SFXN1: variants seen among roughly 807,000 people sequenced by gnomAD.
SFXN1 encodes sideroflexin 1.
A neutral mutation model predicts 39.5 loss-of-function variants in SFXN1; 32 were observed. The ratio of observed to expected loss-of-function variants is 0.81; its 90% CI spans 0.61 to 1.09. The LOEUF (loss-of-function observed/expected upper bound fraction) is 1.09. SFXN1 is among the 50% of genes least tolerant of loss of function. The probability of loss-of-function intolerance (pLI) is 0.00; values close to 1 mark genes in which losing one functional copy is unlikely to be tolerated. For synonymous variants in SFXN1, 136 were observed against 146.5 expected (o/e 0.93, Z 0.52); for missense variants, 402 against 407.1 (o/e 0.99, Z 0.11).
intron 1 of SFXN1, 32 bp from the exon 2 acceptor site, chr5:175,492,063 T>C (rs1247141232): frequency 6.3e-7 from 1 of 1,575,122 alleles, no homozygotes; most frequent in Admixed American, 1.9e-5. Flanking sequence ...ATTGTAAGCC[T>C]TACACGAACT....
At chr5:175,504,364 C>G (rs1424140148) in intron 2 of SFXN1, among the ~76,000 whole-genome samples, 1 of 152,058 alleles carries the variant, frequency 6.6e-6, no homozygotes, top group Non-Finnish European at 1.5e-5. Context: ...CACCTGAGGT[C>G]AGGAGTTCAA....
At chr5:175,520,736 C>T (rs905615087) in intron 8 of SFXN1, among the ~76,000 whole-genome samples, 1 of 152,188 alleles carries the variant, frequency 6.6e-6, no homozygotes, top group Non-Finnish European at 1.5e-5. Flanking sequence ...TTTACCCTCC[C>T]ATCACCAAAT....
At chr5:175,509,372 C>T in intron 3 of SFXN1, 170 bp downstream of exon 3, 3 of 557,442 alleles carry the variant, frequency 5.4e-6, no homozygotes, top group Non-Finnish European at 5.8e-6. Flanking sequence ...TGAATCAAAA[C>T]ATCATGTTGA....
intron 1 of SFXN1, among the ~76,000 whole-genome samples, chr5:175,490,495 A>G (rs1420983401): frequency 6.6e-6 from 1 of 152,230 alleles, no homozygotes; most frequent in African/African-American, 2.4e-5. Context: ...AATGCCCAGC[A>G]TTCACATCCG....
At chr5:175,487,641 C>T (rs1441819044) in intron 1 of SFXN1, among the ~76,000 whole-genome samples, 2 of 152,154 alleles carry the variant, frequency 1.3e-5, no homozygotes, top group Non-Finnish European at 1.5e-5. Context: ...CTGGTGATCT[C>T]ATCACATCGC....
chr5:175,522,140 C>T (rs1760901788), intron 9 of SFXN1, among the ~76,000 whole-genome samples, 172 bp downstream of exon 9: 1 of 152,096 alleles, frequency 6.6e-6, no homozygotes, highest in Non-Finnish European at 1.5e-5. Context: ...TTAGAGAAAC[C>T]TACAACATGG....
At chr5:175,509,282 TG>T in intron 3 of SFXN1, 80 bp downstream of exon 3, 1 of 1,402,352 alleles carries the variant, frequency 7.1e-7, no homozygotes, top group Non-Finnish European at 9.6e-7. Flanking sequence ...ATAATTTTGT[TG>T]AAATAAGTAT....
At chr5:175,497,799 G>A (rs1048589707) in intron 2 of SFXN1, among the ~76,000 whole-genome samples, 3 of 151,972 alleles carry the variant, frequency 2.0e-5, no homozygotes, top group African/African-American at 7.2e-5. Context: ...GTGAGGTGGC[G>A]GGCACCTGTA....
At chr5:175,484,463 G>A (rs35934388) in intron 1 of SFXN1, among the ~76,000 whole-genome samples, 13,097 of 152,244 alleles carry the variant, frequency 0.086, 1,027 homozygotes, top group African/African-American at 0.21. Context: ...TGCCCTCAGC[G>A]CATCTCTGCC....
chr5:175,504,458 G>A (rs1029827644), intron 2 of SFXN1, among the ~76,000 whole-genome samples: 7 of 150,856 alleles, frequency 4.6e-5, no homozygotes, highest in Admixed American at 3.3e-4. Context: ...ACCTGTAGTC[G>A]CAGGTACTCC....
At position 175,509,032 on chromosome 5, in the gene SFXN1, G is replaced by A. The variant is rs1238803872; in HGVS notation, c.165G>A (p.Arg55=). ...ESARKIVHDY[R]QGIVPPGLTE... The stretch of plus-strand genomic sequence containing the variant: ...GCCATATTATTTGTTGTTTTCTTAG[G>A]CAAGGAATTGTTCCTCCTGGTCTTA... Residue 55 remains arginine (R), a splice_region_variant and synonymous_variant, in exon 3 of 11, where the codon AGG becomes AGA. Coordinates refer to ENST00000321442, the MANE Select transcript of SFXN1 (RefSeq NM_022754.7). 3 of 1,602,272 alleles carry A rather than the reference G, an allele frequency of 1.9e-6. No individual in the cohort carries two copies. Among genetic ancestry groups the A allele is most frequent in the African/African-American group, 2.7e-5 (2 of 74,302 alleles).
chr5:175,513,037 A>T (rs1760576277), intron 6 of SFXN1, among the ~76,000 whole-genome samples: 1 of 152,170 alleles, frequency 6.6e-6, no homozygotes, highest in Non-Finnish European at 1.5e-5. Flanking sequence ...GCAGTGGCTC[A>T]CACCTGTAAT....
At chr5:175,497,869 G>A (rs1427324715) in intron 2 of SFXN1, among the ~76,000 whole-genome samples, 1 of 147,434 alleles carries the variant, frequency 6.8e-6, no homozygotes. Context: ...GGCGGAGGTT[G>A]TAGTGAGCCG....
At chr5:175,492,022 G>GT (rs1419417485) in intron 1 of SFXN1, 73 bp from the exon 2 acceptor site, 6 of 1,179,376 alleles carry the variant, frequency 5.1e-6, no homozygotes, top group Non-Finnish European at 7.0e-6. Flanking sequence ...AAAATTTAAG[G>GT]TGACTGTAAA....
intron 2 of SFXN1, among the ~76,000 whole-genome samples, chr5:175,508,318 C>T (rs1236853863): frequency 6.7e-6 from 1 of 150,002 alleles, no homozygotes; most frequent in African/African-American, 2.5e-5. Flanking sequence ...CTCAACCTCC[C>T]GGGCTCAAGT....
Position 175,510,035 on chromosome 5 carries a change from G to T in SFXN1, c.336-74G>T, listed in dbSNP as rs1401900917. The T allele has an allele frequency of 7.6e-6, 9 of 1,189,546 alleles. No individual in the cohort carries two copies. The African/African-American group carries it at 1.1e-4, about 14-fold the overall frequency. The allele number at this position is 1,189,546 out of a possible 1,614,324, so 73.7% of individuals were successfully genotyped here. ...CAGTACGTCTCCTCTCTGGTTACTG[G>T]TGTTCACGTTTTCTGTTCCATGCCG... is the stretch of plus-strand genomic sequence containing the variant. On this transcript the variant is annotated intron_variant, in intron 3 of 10. Transcript: ENST00000321442.
chr5:175,509,492 G>A (rs1179881525), intron 3 of SFXN1: 1 of 197,232 alleles, frequency 5.1e-6, no homozygotes, highest in Non-Finnish European at 1.0e-5. Flanking sequence ...GTTCCATTAT[G>A]TTTGAATGTT....
At chr5:175,503,817 A>T (rs1474638303) in intron 2 of SFXN1, among the ~76,000 whole-genome samples, 1 of 152,188 alleles carries the variant, frequency 6.6e-6, no homozygotes, top group Non-Finnish European at 1.5e-5. Flanking sequence ...AGCCTGGCTA[A>T]CATGGTGAAA....
At chr5:175,519,071 C>T (rs1760801314) in intron 8 of SFXN1, among the ~76,000 whole-genome samples, 1 of 152,222 alleles carries the variant, frequency 6.6e-6, no homozygotes, top group African/African-American at 2.4e-5. Flanking sequence ...AGACACTCTA[C>T]CAAGTACATA....
Sources: allele counts gnomAD v4.1 joint callset (sites outside exome capture counted in the v4.1 genomes callset), GRCh38; gene constraint gnomAD v4.1.1; transcripts MANE v1.5; gene names NCBI Gene and HGNC (gene_info 2026-07-23, HGNC 2026-07-21).